The following SESN1 variants were observed in gnomAD, a reference collection of about 807,000 sequenced individuals.
SESN1 encodes sestrin-1.
SESN1 carries 30 observed loss-of-function variants against 59.3 expected under a neutral mutation model. The ratio of observed to expected loss-of-function variants is 0.51; its 90% CI spans 0.38 to 0.69. The LOEUF (loss-of-function observed/expected upper bound fraction) is 0.69. Ranked by LOEUF, SESN1 falls within the 30% of genes least tolerant of loss-of-function variation. SESN1 has a pLI of 0.00. For missense variants in SESN1, 566 were observed against 673.0 expected (o/e 0.84, Z 1.76); for synonymous variants, 197 against 219.9 (o/e 0.90, Z 0.92).
intron 9 of SESN1, among the ~76,000 whole-genome samples, chr6:108,987,970 T>C (rs1224164636): frequency 6.6e-6 from 1 of 152,110 alleles, no homozygotes; most frequent in Non-Finnish European, 1.5e-5. Flanking sequence ...GTCCAACTAA[T>C]TTTTTGGTAT....
At chr6:109,066,604 A>G (rs1444577896) in intron 1 of SESN1, among the ~76,000 whole-genome samples, 4 of 152,356 alleles carry the variant, frequency 2.6e-5, no homozygotes, top group Middle Eastern at 3.4e-3. Flanking sequence ...AAACTAAACA[A>G]GTCAACAATA....
In SESN1 at chr6:109,046,920, C is replaced by T. The variant is rs1227916710; in HGVS notation, c.280-44577G>A. ...CCGTCTGAGAAGTGAGGAGCCTCTC[C>T]GCCCGGCAGCCACCCCATCTGGGAA... On this transcript the variant is annotated intron_variant, in intron 1 of 9. Coordinates refer to ENST00000436639, the MANE Select transcript of SESN1 (RefSeq NM_014454.3). Among the ~76,000 whole-genome samples the T allele has an allele frequency of 3.1e-4, 37 of 120,300 alleles. 1 individual carries two copies. The highest frequency in any genetic ancestry group is 5.1e-3 in the Middle Eastern group (1 of 196). The allele number at this position is 120,300 out of a possible 152,430, so 78.9% of individuals were successfully genotyped here. A position where few individuals can be genotyped will look rare whatever the true frequency, so the allele number is the denominator to read the frequency against.
Position 108,998,938 on chromosome 6 carries a change from A to C in SESN1, c.730-183T>G. 4 of 543,352 alleles carry C rather than the reference A, an allele frequency of 7.4e-6. No homozygotes were observed. The South Asian group carries it at 1.0e-4, about 14-fold the overall frequency. 33.7% of individuals were successfully genotyped at this position (543,352 alleles called of 1,614,324 possible). A position where few individuals can be genotyped will look rare whatever the true frequency, so the allele number is the denominator to read the frequency against. On this transcript the variant is annotated intron_variant, in intron 4 of 9. Coordinates refer to ENST00000436639, the MANE Select transcript of SESN1 (RefSeq NM_014454.3). Reference sequence around the variant, plus strand: ...TTTATGAATATGCATTCACAAATAGAACTTAACATAATCTGTTAAGACATT... The same window carrying C: ...TTTATGAATATGCATTCACAAATAGCACTTAACATAATCTGTTAAGACATT...
intron 1 of SESN1, among the ~76,000 whole-genome samples, chr6:109,023,522 C>T (rs917036287): frequency 3.3e-5 from 5 of 152,114 alleles, no homozygotes; most frequent in Non-Finnish European, 7.3e-5. Context: ...AAGGCACAAC[C>T]ACAGAGTATT....
chr6:109,019,714 T>C (rs1230284380), intron 1 of SESN1, among the ~76,000 whole-genome samples: 1 of 152,232 alleles, frequency 6.6e-6, no homozygotes, highest in Non-Finnish European at 1.5e-5. Flanking sequence ...GTAGTTTGGA[T>C]TTGTTCTTAT....
At chr6:109,050,382 A>C (rs1245117103) in intron 1 of SESN1, among the ~76,000 whole-genome samples, 2 of 143,648 alleles carry the variant, frequency 1.4e-5, no homozygotes, top group Non-Finnish European at 3.0e-5. Context: ...CTATTGTTTA[A>C]ATTGTTAAAA....
rs1779232677 is a variant in SESN1, at chr6:108,987,574, A to C, written c.1626T>G (p.Ala542=). Residue 542 remains alanine, a synonymous_variant, in exon 10 of 10, where the codon GCT becomes GCG. Transcript: ENST00000436639. ...EARMQAELLY[A]LRAITRYMT Reference sequence around the variant, plus strand: ...TCATATAGCGGGTAATGGCTCTCAGAGCATAAAGGAGTTCTGCTTGCATCC... The same window carrying C: ...TCATATAGCGGGTAATGGCTCTCAGCGCATAAAGGAGTTCTGCTTGCATCC... 2.5e-6 allele frequency: 4 copies of C among 1,605,232 alleles called. No individual in the cohort carries two copies. The highest frequency in any genetic ancestry group is 3.4e-6 in the Non-Finnish European group (4 of 1,172,700).
intron 5 of SESN1, among the ~76,000 whole-genome samples, chr6:108,997,136 G>A (rs893342740): frequency 3.3e-5 from 5 of 152,290 alleles, no homozygotes; most frequent in East Asian, 3.9e-4. Flanking sequence ...CACTGTCAAA[G>A]TGTCATCAGG....
intron 1 of SESN1, among the ~76,000 whole-genome samples, chr6:109,089,343 A>G (rs1391244870): frequency 6.6e-6 from 1 of 152,258 alleles, no homozygotes; most frequent in East Asian, 1.9e-4. Context: ...TGAAAGCCAG[A>G]TAATGCTGGG....
intron 1 of SESN1, among the ~76,000 whole-genome samples, chr6:109,026,828 A>T (rs1302625996): frequency 6.6e-6 from 1 of 152,124 alleles, no homozygotes; most frequent in Non-Finnish European, 1.5e-5. Context: ...AGTAACTGCC[A>T]AACTGTTTTC....
chr6:108,994,388 A>G, intron 6 of SESN1, 74 bp downstream of exon 6: 2 of 1,270,330 alleles, frequency 1.6e-6, no homozygotes, highest in Non-Finnish European at 2.2e-6. Context: ...TGATGCTTTA[A>G]AAGTTATTTA....
intron 1 of SESN1, among the ~76,000 whole-genome samples, chr6:109,060,102 AAC>A (rs377487317): frequency 2.8e-4 from 43 of 152,166 alleles, no homozygotes; most frequent in African/African-American, 9.2e-4. Flanking sequence ...AAAAAAGACA[AAC>A]ACATGTGTAC....
intron 8 of SESN1, among the ~76,000 whole-genome samples, chr6:108,989,391 C>G (rs535134468): frequency 3.3e-5 from 5 of 150,798 alleles, no homozygotes; most frequent in African/African-American, 9.7e-5. Flanking sequence ...CTTTCTCTCT[C>G]TCTATATATA....
intron 1 of SESN1, among the ~76,000 whole-genome samples, chr6:109,082,122 T>C (rs55885457): frequency 0.15 from 23,048 of 152,174 alleles, 1,996 homozygotes; most frequent in Middle Eastern, 0.24. Context: ...TAACTCAGTG[T>C]AAGGGAAATC....
rs57225616 is a variant in SESN1 at position 109,027,476 on chromosome 6, CAA to C, written c.280-25135_280-25134del. ...TGGGCGACAGAGGGAGACTCTGTCTCAAAAAAAAAAAAAAAAAAAAAAAAAAG... is the reference window on the plus strand; with the variant it reads ...TGGGCGACAGAGGGAGACTCTGTCTCAAAAAAAAAAAAAAAAAAAAAAAAG... On this transcript the variant is annotated intron_variant, in intron 1 of 9. Coordinates refer to ENST00000436639, the MANE Select transcript of SESN1 (RefSeq NM_014454.3). Among the ~76,000 whole-genome samples the C allele has an allele frequency of 2.2e-4, 6 of 27,320 alleles. No homozygotes were observed. The East Asian group carries it at 4.1e-3, about 19-fold the overall frequency. The allele number at this position is 27,320 out of a possible 152,430, so 17.9% of individuals were successfully genotyped here.
Position 109,026,629 on chromosome 6 carries a change from C to T in SESN1, c.280-24286G>A, listed in dbSNP as rs553165357. Among the ~76,000 whole-genome samples the T allele has an allele frequency of 1.1e-4, 17 of 152,144 alleles. No individual in the cohort carries two copies. In the South Asian group the frequency reaches 3.3e-3, roughly 30 times the overall value. On this transcript the variant is annotated intron_variant, in intron 1 of 9. Transcript: ENST00000436639. ...AAGCGATTCTCCTGCCTCAGCCTCCCGAGTAGCTAGGACTACAGGCGTGCG... is the reference window on the plus strand; with the variant it reads ...AAGCGATTCTCCTGCCTCAGCCTCCTGAGTAGCTAGGACTACAGGCGTGCG...
At chr6:109,074,950 G>C (rs547586375) in intron 1 of SESN1, among the ~76,000 whole-genome samples, 42 of 152,208 alleles carry the variant, frequency 2.8e-4, no homozygotes, top group Admixed American at 2.7e-3. Flanking sequence ...AAGGAAGAAC[G>C]AGGAAGATGA....
chr6:108,999,064 T>C, intron 4 of SESN1: 1 of 202,274 alleles, frequency 4.9e-6, no homozygotes, highest in Non-Finnish European at 1.0e-5. Flanking sequence ...TATGAATGAA[T>C]TACTGTGTTG....
chr6:109,002,346 A>G lies in SESN1; in HGVS notation c.280-3T>C, dbSNP rs1779644341. 6.2e-7 allele frequency: 1 copy of G among 1,612,560 alleles called. No homozygotes were observed. Among genetic ancestry groups the G allele is most frequent in the Non-Finnish European group, 8.5e-7 (1 of 1,178,730 alleles). On this transcript the variant is annotated splice_region_variant and splice_polypyrimidine_tract_variant and intron_variant, in intron 1 of 9. Coordinates refer to ENST00000436639, the MANE Select transcript of SESN1 (RefSeq NM_014454.3). ...CGAGGAATTCTAATGCCAAGTTCCT[A>G]GAAAAGAAAATTACACCATCTCAGG...
Sources: gnomAD v4.1 joint callset for allele counts (sites outside exome capture counted in the v4.1 genomes callset) on GRCh38, gnomAD v4.1.1 for gene constraint, MANE v1.5 for transcripts, NCBI Gene and HGNC (gene_info 2026-07-23, HGNC 2026-07-21) for gene names.